DPP6: variants seen among roughly 807,000 people sequenced by gnomAD.
DPP6 encodes A-type potassium channel modulatory protein DPP6.
DPP6 carries 69 observed loss-of-function variants against 122.6 expected under a neutral mutation model. The ratio of observed to expected loss-of-function variants is 0.56; its 90% CI spans 0.46 to 0.69. The LOEUF is 0.69. DPP6 is among the 30% of genes least tolerant of loss of function. The pLI is 0.00. For synonymous variants in DPP6, 418 were observed against 433.1 expected, an observed-to-expected ratio of 0.97 and a Z score of 0.43; for missense variants, 928 against 1,116.9, an observed-to-expected ratio of 0.83 and a Z score of 2.41.
chr7:154,385,431 T>C (rs1814020074), intron 1 of DPP6, among the ~76,000 whole-genome samples: 1 of 152,142 alleles, frequency 6.6e-6, no homozygotes, highest in African/African-American at 2.4e-5. Flanking sequence ...AGATTCCGCC[T>C]CCACAGTGCT....
intron 15 of DPP6, 123 bp from the exon 16 acceptor site, chr7:154,806,871 G>C: frequency 4.6e-6 from 6 of 1,302,124 alleles, no homozygotes; most frequent in South Asian, 1.6e-5. Context: ...GGAGAGGCCC[G>C]GGGGGTCTGT....
intron 1 of DPP6, chr7:154,027,110 G>T (rs2129053520): frequency 6.8e-6 from 1 of 148,132 alleles, no homozygotes; most frequent in East Asian, 2.0e-4. Context: ...ATTTAATTAT[G>T]ATCAGGGAGT....
chr7:154,231,382 G>A (rs1013381232), intron 1 of DPP6, among the ~76,000 whole-genome samples: 1 of 152,200 alleles, frequency 6.6e-6, no homozygotes, highest in African/African-American at 2.4e-5. Context: ...TTCAGTCCAA[G>A]TTTTGTGTGA....
intron 17 of DPP6, among the ~76,000 whole-genome samples, chr7:154,857,130 T>A (rs1258197208): frequency 6.6e-6 from 1 of 152,202 alleles, no homozygotes; most frequent in Non-Finnish European, 1.5e-5. Context: ...GTCAATGTAG[T>A]TCAAGCTCTT....
chr7:154,173,315 C>CTA (rs1371796238), intron 1 of DPP6, among the ~76,000 whole-genome samples: 22 of 152,184 alleles, frequency 1.4e-4, no homozygotes, highest in African/African-American at 5.3e-4. Context: ...TAAATGGAAT[C>CTA]TATGGACAGG....
chr7:153,877,587 T>C, the DPP6 span, among the ~76,000 whole-genome samples: 35 of 152,300 alleles, frequency 2.3e-4, no homozygotes, highest in African/African-American at 6.7e-4. Flanking sequence ...CTGTGGTATA[T>C]GTGGTCTGTC....
intron 8 of DPP6, among the ~76,000 whole-genome samples, chr7:154,734,097 C>T (rs1842468329): frequency 6.6e-6 from 1 of 152,200 alleles, no homozygotes; most frequent in Non-Finnish European, 1.5e-5. Context: ...ATCTAGCACA[C>T]CATCTTTTTA....
intron 1 of DPP6, among the ~76,000 whole-genome samples, chr7:154,103,773 T>C (rs1805934901): frequency 1.3e-5 from 2 of 152,254 alleles, no homozygotes; most frequent in East Asian, 1.9e-4. Flanking sequence ...CTTTATCCTG[T>C]GCTGGATGCT....
At chr7:153,979,860 T>C (rs1796494721) in intron 1 of DPP6, among the ~76,000 whole-genome samples, 2 of 152,234 alleles carry the variant, frequency 1.3e-5, no homozygotes, top group African/African-American at 4.8e-5. Flanking sequence ...TTGATTTGCA[T>C]GTGTTGAACC....
At chr7:154,255,397 T>C (rs1211784344) in intron 1 of DPP6, among the ~76,000 whole-genome samples, 2 of 152,204 alleles carry the variant, frequency 1.3e-5, no homozygotes, top group African/African-American at 4.8e-5. Flanking sequence ...TGAATTACAC[T>C]CCAGCAGTGT....
intron 1 of DPP6, among the ~76,000 whole-genome samples, chr7:154,377,229 A>G (rs1410087557): frequency 1.3e-5 from 2 of 152,184 alleles, no homozygotes; most frequent in African/African-American, 4.8e-5. Context: ...AGTCATGAAC[A>G]GTGCCGGAGG....
intron 16 of DPP6, among the ~76,000 whole-genome samples, chr7:154,814,949 C>T (rs1799319956): frequency 6.6e-6 from 1 of 152,216 alleles, no homozygotes; most frequent in South Asian, 2.1e-4. Flanking sequence ...AACTTGACTA[C>T]ACCTGCAAAG....
the DPP6 span, among the ~76,000 whole-genome samples, chr7:153,864,539 C>A: frequency 6.6e-6 from 1 of 151,812 alleles, no homozygotes; most frequent in Non-Finnish European, 1.5e-5. Context: ...GCCTCTAATC[C>A]CAGCTACTCA....
At chr7:154,684,814 G>A (rs545308266) in intron 7 of DPP6, among the ~76,000 whole-genome samples, 1 of 152,348 alleles carries the variant, frequency 6.6e-6, no homozygotes, top group South Asian at 2.1e-4. Context: ...CTGTTTAGTG[G>A]AACTTGAGTC....
At chr7:154,208,177 A>G (rs12703323) in intron 1 of DPP6, among the ~76,000 whole-genome samples, 127,731 of 152,168 alleles carry the variant, frequency 0.84, 53,702 homozygotes, top group Non-Finnish European at 0.85. Flanking sequence ...CACTTAGGGA[A>G]GAAAGAGGCC....
the DPP6 span, among the ~76,000 whole-genome samples, chr7:153,873,457 A>T: frequency 2.6e-5 from 4 of 152,224 alleles, no homozygotes; most frequent in Admixed American, 1.3e-4. Flanking sequence ...AATAGACAAT[A>T]ATTCTACCCT....
intron 1 of DPP6, among the ~76,000 whole-genome samples, chr7:154,110,266 A>G (rs1449077633): frequency 1.3e-5 from 2 of 152,070 alleles, no homozygotes. Flanking sequence ...CCAACTAAAA[A>G]TTGTGTTTGT....
At chr7:153,752,211 T>C in the DPP6 span, among the ~76,000 whole-genome samples, 1 of 151,568 alleles carries the variant, frequency 6.6e-6, no homozygotes, top group Non-Finnish European at 1.5e-5. Context: ...CCCTTTTTAT[T>C]AAGGGGGAGC....
Position 153,964,987 on chromosome 7 carries a change from C to CCTTT in DPP6, c.51+77256_51+77257insTCTT, listed in dbSNP as rs760045589. Among the ~76,000 whole-genome samples, 268 of 73,634 alleles carry CCTTT rather than the reference C, an allele frequency of 3.6e-3. 21 individuals carry two copies. The highest frequency in any genetic ancestry group is 0.017 in the African/African-American group (256 of 15,432). 48.3% of individuals were successfully genotyped at this position (73,634 alleles called of 152,430 possible). A position where few individuals can be genotyped will look rare whatever the true frequency, so the allele number is the denominator to read the frequency against. ...TTCTTTCATTTCTTTTCCCTTCCTT[C>CCTTT]CTTCCTTCCTTTCTTCCTTCCTTCC... is the stretch of plus-strand genomic sequence containing the variant. On this transcript the variant is annotated intron_variant, in intron 1 of 25. Coordinates refer to the DPP6 transcript ENST00000404039.
Sources: gnomAD v4.1 joint callset for allele counts (sites outside exome capture counted in the v4.1 genomes callset) on GRCh38, gnomAD v4.1.1 for gene constraint, MANE v1.5 for transcripts, NCBI Gene and HGNC (gene_info 2026-07-23, HGNC 2026-07-21) for gene names.